TBC1D22A: variants seen among roughly 807,000 people sequenced by gnomAD.
TBC1D22A encodes putative GTPase activator.
Under a neutral mutation model 60.2 loss-of-function variants are expected in TBC1D22A, and 38 were observed. The ratio of observed to expected loss-of-function variants is 0.63; its 90% CI spans 0.49 to 0.83. The LOEUF is 0.83. Ranked by LOEUF, TBC1D22A falls within the 40% of genes least tolerant of loss-of-function variation. The probability of loss-of-function intolerance (pLI) is 0.00; values close to 1 mark genes in which losing one functional copy is unlikely to be tolerated. For missense variants in TBC1D22A, 628 were observed against 701.0 expected, an observed-to-expected ratio of 0.90 and a Z score of 1.18; for synonymous variants, 302 against 281.7, an observed-to-expected ratio of 1.07 and a Z score of -0.72.
chr22:46,928,704 G>A (rs1001394397), intron 8 of TBC1D22A, among the ~76,000 whole-genome samples: 4 of 152,044 alleles, frequency 2.6e-5, no homozygotes, highest in East Asian at 3.8e-4. Flanking sequence ...CAAAGAACTC[G>A]TACAACTCAG....
At chr22:47,163,888 C>G (rs913092774) in intron 12 of TBC1D22A, among the ~76,000 whole-genome samples, 1 of 152,212 alleles carries the variant, frequency 6.6e-6, no homozygotes, top group African/African-American at 2.4e-5. Context: ...GTCGCCTGTC[C>G]CAGGATAACT....
chr22:46,774,870 T>C (rs890487241), intron 1 of TBC1D22A, among the ~76,000 whole-genome samples: 3 of 152,240 alleles, frequency 2.0e-5, no homozygotes, highest in Admixed American at 2.0e-4. Flanking sequence ...TCATGTGCGC[T>C]GTGTGCACCG....
At chr22:46,960,952 CTCAAAAAAAAAAAA>C (rs2073467436) in intron 8 of TBC1D22A, among the ~76,000 whole-genome samples, 1 of 74,570 alleles carries the variant, frequency 1.3e-5, no homozygotes, top group South Asian at 5.0e-4. Context: ...GAGACACCAT[CTCAAAAAAAAAAAA>C]AAAAAAAAAA....
At chr22:47,046,087 C>T (rs1432372659) in intron 11 of TBC1D22A, among the ~76,000 whole-genome samples, 1 of 152,152 alleles carries the variant, frequency 6.6e-6, no homozygotes, top group African/African-American at 2.4e-5. Context: ...CTCGCTGATG[C>T]TCCCTGGGCC....
chr22:46,954,351 T>C (rs1384412104), intron 8 of TBC1D22A, among the ~76,000 whole-genome samples: 4 of 152,250 alleles, frequency 2.6e-5, no homozygotes, highest in Non-Finnish European at 5.9e-5. Context: ...AGTACTGCGG[T>C]CAACACTGGG....
chr22:46,824,421 G>A (rs944398647), intron 4 of TBC1D22A, among the ~76,000 whole-genome samples: 1 of 152,156 alleles, frequency 6.6e-6, no homozygotes, highest in Non-Finnish European at 1.5e-5. Context: ...GTGTGCATGT[G>A]GTCCTTCTCC....
chr22:46,991,474 A>G (rs996417875), intron 9 of TBC1D22A, among the ~76,000 whole-genome samples: 1 of 152,194 alleles, frequency 6.6e-6, no homozygotes, highest in Non-Finnish European at 1.5e-5. Context: ...ATGAGCTAAT[A>G]GGAACAAATG....
At position 47,173,466 on chromosome 22, in the gene TBC1D22A, C is replaced by T. The variant is rs111824107; in HGVS notation, c.1426-32C>T. Reference sequence around the variant, plus strand: ...ACCCGCCCTCCACCGTGGGTCACCTCCTCTGACCTGGGCTTGTCTCTTTCT... The same window carrying T: ...ACCCGCCCTCCACCGTGGGTCACCTTCTCTGACCTGGGCTTGTCTCTTTCT... On this transcript the variant is annotated intron_variant, in intron 12 of 12. Coordinates refer to ENST00000337137, the MANE Select transcript of TBC1D22A (RefSeq NM_014346.5). 5 of 1,611,720 alleles carry T rather than the reference C, an allele frequency of 3.1e-6. No individual in the cohort carries two copies. In the African/African-American group the frequency reaches 4.0e-5, roughly 13 times the overall value.
rs189839851 is a variant in TBC1D22A, at chr22:46,854,013, C to T, written c.638-24640C>T. Among the ~76,000 whole-genome samples, 483 of 152,310 alleles carry T rather than the reference C, an allele frequency of 3.2e-3. 8 individuals are homozygous for T. The highest frequency in any genetic ancestry group is 0.03 in the Admixed American group (462 of 15,300). Reference sequence around the variant, plus strand: ...ATTTTGCCCCGATTTCCCCCGCTGTCTCCGAGTGTCCCCTGTGAGTGGACT... The same window carrying T: ...ATTTTGCCCCGATTTCCCCCGCTGTTTCCGAGTGTCCCCTGTGAGTGGACT... On this transcript the variant is annotated intron_variant, in intron 4 of 12. Transcript: ENST00000337137.
At chr22:47,143,914 C>T (rs896193803) in intron 12 of TBC1D22A, among the ~76,000 whole-genome samples, 4 of 152,232 alleles carry the variant, frequency 2.6e-5, no homozygotes, top group Admixed American at 6.5e-5. Context: ...TGTGCACTTA[C>T]GGCAGGCCCG....
chr22:46,980,563 CAAAAG>C (rs928880558), intron 9 of TBC1D22A, among the ~76,000 whole-genome samples: 2 of 151,978 alleles, frequency 1.3e-5, no homozygotes, highest in African/African-American at 2.4e-5. Context: ...ACTCATTAGA[CAAAAG>C]AGAAGAGAGA....
chr22:46,873,540 A>G (rs149590968), intron 4 of TBC1D22A, among the ~76,000 whole-genome samples: 343 of 152,300 alleles, frequency 2.3e-3, no homozygotes, highest in African/African-American at 7.9e-3. Context: ...TCAGGGATAC[A>G]TGTGCAGGAT....
chr22:47,079,173 A>C (rs1603244029), intron 11 of TBC1D22A, among the ~76,000 whole-genome samples: 1 of 138,080 alleles, frequency 7.2e-6, no homozygotes, highest in African/African-American at 2.8e-5. Flanking sequence ...TGCAACTTCC[A>C]CCTCCCAGGT....
In TBC1D22A at chr22:47,164,114, G is replaced by A. The variant is rs537903796; in HGVS notation, c.1426-9384G>A. 9.2e-5 allele frequency among the ~76,000 whole-genome samples: 14 copies of A among 152,348 alleles called. No homozygotes were observed. The South Asian group carries it at 1.2e-3, about 14-fold the overall frequency. ...GGCTTCAGATGAGCCCGAGGCCTCC[G>A]TGGGCTGCGCCAAGGGTGAGGCAAA... On this transcript the variant is annotated intron_variant, in intron 12 of 12. Coordinates refer to ENST00000337137, the MANE Select transcript of TBC1D22A (RefSeq NM_014346.5).
chr22:47,121,202 A>C (rs1035065404), intron 12 of TBC1D22A, among the ~76,000 whole-genome samples: 1 of 152,268 alleles, frequency 6.6e-6, no homozygotes, highest in African/African-American at 2.4e-5. Context: ...TGCTCTCTCA[A>C]ATAAGCACCG....
intron 10 of TBC1D22A, among the ~76,000 whole-genome samples, chr22:47,018,267 C>T (rs368917907): frequency 6.6e-6 from 1 of 152,246 alleles, no homozygotes; most frequent in Non-Finnish European, 1.5e-5. Flanking sequence ...GGAGTTTCTG[C>T]GTGTTCTGCT....
At chr22:47,074,013 C>G (rs554117822) in intron 11 of TBC1D22A, among the ~76,000 whole-genome samples, 2 of 152,120 alleles carry the variant, frequency 1.3e-5, no homozygotes, top group Non-Finnish European at 2.9e-5. Flanking sequence ...CTCAGCTACT[C>G]GGGAGGATCA....
chr22:47,059,764 C>T (rs1232593284), intron 11 of TBC1D22A, among the ~76,000 whole-genome samples: 1 of 152,158 alleles, frequency 6.6e-6, no homozygotes, highest in African/African-American at 2.4e-5. Context: ...TCTGAGCCAG[C>T]ACATGTTTCT....
chr22:47,128,004 A>C (rs1270570567), intron 12 of TBC1D22A, among the ~76,000 whole-genome samples: 2 of 43,346 alleles, frequency 4.6e-5, no homozygotes, highest in Non-Finnish European at 9.0e-5. Flanking sequence ...CCTCCACCCC[A>C]CCCATCCCCC....
Sources: gnomAD v4.1 joint callset for allele counts (sites outside exome capture counted in the v4.1 genomes callset) on GRCh38, gnomAD v4.1.1 for gene constraint, MANE v1.5 for transcripts, NCBI Gene and HGNC (gene_info 2026-07-23, HGNC 2026-07-21) for gene names.